Variants in CPPED1 observed in about 807,000 individuals in gnomAD.
CPPED1 encodes calcineurin like phosphoesterase domain containing 1, also known as serine/threonine-protein phosphatase CPPED1.
CPPED1 carries 28 observed loss-of-function variants against 28.0 expected under a neutral mutation model. That is an observed-to-expected ratio of 1.00 (90% CI 0.74 to 1.37). The LOEUF is 1.37. Ranked by LOEUF, CPPED1 falls within the 40% of genes most tolerant of loss-of-function variation. The probability of loss-of-function intolerance (pLI) is 0.00; values close to 1 mark genes in which losing one functional copy is unlikely to be tolerated. For missense variants in CPPED1, 504 were observed against 416.5 expected (o/e 1.21, Z -1.83); for synonymous variants, 198 against 180.2 (o/e 1.10, Z -0.79).
intron 2 of CPPED1, among the ~76,000 whole-genome samples, chr16:12,763,991 C>G (rs1375438598): frequency 6.6e-6 from 1 of 150,912 alleles, no homozygotes; most frequent in Non-Finnish European, 1.5e-5. Context: ...AGGACAACAA[C>G]AAGGTATTTA....
chr16:12,716,910 G>C (rs1479430540), intron 2 of CPPED1, among the ~76,000 whole-genome samples: 1 of 152,160 alleles, frequency 6.6e-6, no homozygotes, highest in African/African-American at 2.4e-5. Context: ...TTACGACACG[G>C]AAGCACTGGG....
At chr16:12,724,087 C>A (rs779350914) in intron 2 of CPPED1, among the ~76,000 whole-genome samples, 12 of 152,150 alleles carry the variant, frequency 7.9e-5, no homozygotes, top group South Asian at 4.1e-4. Context: ...AACCACCCCC[C>A]ACTCCGGCCC....
chr16:12,720,137 C>A (rs997660436), intron 2 of CPPED1, among the ~76,000 whole-genome samples: 1 of 152,140 alleles, frequency 6.6e-6, no homozygotes, highest in Non-Finnish European at 1.5e-5. Flanking sequence ...TCACACCGAT[C>A]CTGTCTTCCC....
intron 2 of CPPED1, among the ~76,000 whole-genome samples, chr16:12,775,260 G>C (rs1259492956): frequency 6.6e-6 from 1 of 151,974 alleles, no homozygotes; most frequent in Non-Finnish European, 1.5e-5. Context: ...CCTTGACCTT[G>C]GACTTCTCAG....
At chr16:12,688,789 A>G (rs1045015091) in intron 3 of CPPED1, among the ~76,000 whole-genome samples, 17 of 152,224 alleles carry the variant, frequency 1.1e-4, no homozygotes, top group Admixed American at 1.1e-3. Context: ...TGCAGAGAAC[A>G]TGTGCTGTCA....
At chr16:12,769,763 C>T (rs2080459431) in intron 2 of CPPED1, among the ~76,000 whole-genome samples, 1 of 152,140 alleles carries the variant, frequency 6.6e-6, no homozygotes, top group African/African-American at 2.4e-5. Context: ...AATCTGAGCA[C>T]AGACAGCCCC....
At chr16:12,757,149 C>A (rs142514084) in intron 2 of CPPED1, among the ~76,000 whole-genome samples, 20 of 152,094 alleles carry the variant, frequency 1.3e-4, no homozygotes, top group African/African-American at 4.6e-4. Flanking sequence ...TAAGTTATAG[C>A]ACCTCGAGGG....
intron 3 of CPPED1, among the ~76,000 whole-genome samples, chr16:12,691,425 A>C (rs1406261495): frequency 6.6e-6 from 1 of 152,128 alleles, no homozygotes; most frequent in Non-Finnish European, 1.5e-5. Flanking sequence ...GAAGGCATGA[A>C]GTAGAAACAC....
chr16:12,769,683 G>A (rs1408472853), intron 2 of CPPED1, among the ~76,000 whole-genome samples: 1 of 152,146 alleles, frequency 6.6e-6, no homozygotes, highest in Non-Finnish European at 1.5e-5. Flanking sequence ...AGGAGTGCAG[G>A]AGCCAGGGGG....
rs1003357926 is a variant in CPPED1 at position 12,660,592 on chromosome 16, T to C, written c.*4294A>G. ...GGCTTGAGAATATTTTATGAAGTTA[T>C]AAAAATCAGTATTACCTGTCAAGTA... On this transcript the variant is annotated 3_prime_UTR_variant, in exon 4 of 4. Transcript: ENST00000381774. 6.6e-6 allele frequency: 1 copy of C among 151,946 alleles called. No individual in the cohort carries two copies. Among genetic ancestry groups the C allele is most frequent in the Non-Finnish European group, 1.5e-5 (1 of 68,012 alleles). The allele number at this position is 151,946 out of a possible 1,614,324, so 9.4% of individuals were successfully genotyped here.
chr16:12,714,601 T>C (rs2080097568), intron 2 of CPPED1, among the ~76,000 whole-genome samples: 1 of 152,264 alleles, frequency 6.6e-6, no homozygotes, highest in Admixed American at 6.5e-5. Context: ...GAGAAATGTC[T>C]ATTCAGATAC....
intron 1 of CPPED1, among the ~76,000 whole-genome samples, chr16:12,796,163 G>C (rs1487048961): frequency 6.6e-6 from 1 of 151,628 alleles, no homozygotes; most frequent in Non-Finnish European, 1.5e-5. Flanking sequence ...AGAATTTATA[G>C]TGTACAGGTA....
Position 12,717,313 on chromosome 16 carries a change from G to C in CPPED1, c.290-12264C>G, listed in dbSNP as rs149857378. On this transcript the variant is annotated intron_variant, in intron 2 of 3. Transcript: ENST00000381774. ...GAGTCTCGCTTTGTCGCCCAGGCTGGAGTGCAGCGGCGCCATCTCGGCTCA... is the reference window on the plus strand; with the variant it reads ...GAGTCTCGCTTTGTCGCCCAGGCTGCAGTGCAGCGGCGCCATCTCGGCTCA... Among the ~76,000 whole-genome samples the C allele has an allele frequency of 7.4e-3, 1,130 of 152,330 alleles. 14 individuals carry two copies. The highest frequency in any genetic ancestry group is 0.026 in the African/African-American group (1,067 of 41,580).
chr16:12,692,455 C>T (rs1400543419), intron 3 of CPPED1, among the ~76,000 whole-genome samples: 6 of 152,180 alleles, frequency 3.9e-5, no homozygotes, highest in African/African-American at 7.2e-5. Context: ...AATAGAGGTT[C>T]GCTATCACTG....
intron 3 of CPPED1, among the ~76,000 whole-genome samples, chr16:12,688,131 G>A (rs11646236): frequency 0.092 from 13,874 of 151,458 alleles, 846 homozygotes; most frequent in South Asian, 0.16. Context: ...CCCAGGCTCA[G>A]GTGGTTCTCC....
chr16:12,778,733 A>G (rs918263766), intron 2 of CPPED1, among the ~76,000 whole-genome samples: 1 of 152,228 alleles, frequency 6.6e-6, no homozygotes, highest in African/African-American at 2.4e-5. Context: ...TGAGAGGGAA[A>G]CCACTTATTG....
intron 3 of CPPED1, 138 bp from the exon 4 acceptor site, chr16:12,665,253 A>G (rs566932264): frequency 1.1e-5 from 8 of 755,528 alleles, no homozygotes; most frequent in African/African-American, 7.3e-5. Context: ...TATTAAATGT[A>G]TAATATTATT....
At chr16:12,745,588 C>T (rs10852356) in intron 2 of CPPED1, among the ~76,000 whole-genome samples, 59,711 of 152,114 alleles carry the variant, frequency 0.39, 14,469 homozygotes, top group Admixed American at 0.53. Context: ...AACCAAATAC[C>T]GCATGTTCTC....
chr16:12,735,643 A>G (rs2080222982), intron 2 of CPPED1, among the ~76,000 whole-genome samples: 1 of 152,182 alleles, frequency 6.6e-6, no homozygotes. Flanking sequence ...AATATGTATA[A>G]CTATACCACC....
Sources: gnomAD v4.1 joint callset for allele counts (sites outside exome capture counted in the v4.1 genomes callset) on GRCh38, gnomAD v4.1.1 for gene constraint, MANE v1.5 for transcripts, NCBI Gene and HGNC (gene_info 2026-07-23, HGNC 2026-07-21) for gene names.